The following RNPEP variants were observed in gnomAD, a reference collection of about 807,000 sequenced individuals.
RNPEP encodes the protein aminopeptidase B.
RNPEP carries 57 observed loss-of-function variants against 70.1 expected under a neutral mutation model. The observed-to-expected ratio is 0.81, with a 90% CI of 0.66 to 1.01. RNPEP has a LOEUF of 1.01. Among genes scored for constraint, RNPEP ranks in the 50% least tolerant of loss-of-function variants. RNPEP has a pLI of 0.00. For missense variants in RNPEP, 787 were observed against 852.4 expected (o/e 0.92, Z 0.96); for synonymous variants, 335 against 357.4 (o/e 0.94, Z 0.71).
intron 1 of RNPEP, 118 bp downstream of exon 1, chr1:201,983,231 C>T: frequency 7.0e-7 from 1 of 1,430,632 alleles, no homozygotes; most frequent in Non-Finnish European, 9.1e-7. Flanking sequence ...TCCAGAGCGT[C>T]CCTAGAGGGG....
chr1:201,984,843 T>TGAGAAGGGGTCAAAAAGCTCCCTACC (rs1683077162), intron 1 of RNPEP, among the ~76,000 whole-genome samples: 1 of 140,560 alleles, frequency 7.1e-6, no homozygotes, highest in Non-Finnish European at 1.5e-5. Flanking sequence ...TTTTTTTTTT[T>TGAGAAGGGGTCAAAAAGCTCCCTACC]TTTTTTTTTT....
At chr1:201,983,453 G>T in intron 1 of RNPEP, 1 of 1,409,538 alleles carries the variant, frequency 7.1e-7, no homozygotes. Flanking sequence ...CATTTTCCGT[G>T]GCTTTCTAGA....
chr1:201,995,504 G>A (rs1057145310), intron 3 of RNPEP, among the ~76,000 whole-genome samples: 20 of 120,126 alleles, frequency 1.7e-4, no homozygotes, highest in African/African-American at 5.0e-4. Context: ...GCAACATAGC[G>A]AAACCCTACC....
chr1:201,986,375 G>A (rs916906186), intron 1 of RNPEP, among the ~76,000 whole-genome samples: 1 of 152,054 alleles, frequency 6.6e-6, no homozygotes, highest in African/African-American at 2.4e-5. Flanking sequence ...CATTACAGGT[G>A]TGAGCCACTG....
intron 3 of RNPEP, among the ~76,000 whole-genome samples, chr1:201,994,287 A>G (rs1312614665): frequency 2.0e-5 from 3 of 152,192 alleles, no homozygotes; most frequent in Non-Finnish European, 4.4e-5. Context: ...TTCTGCAGCC[A>G]GGATGATATC....
chr1:201,995,220 A>G (rs1007454378), intron 3 of RNPEP, among the ~76,000 whole-genome samples: 15 of 152,220 alleles, frequency 9.9e-5, no homozygotes, highest in African/African-American at 3.6e-4. Flanking sequence ...GAACACCTAT[A>G]GAACCATCTA....
chr1:202,000,260 A>T (rs1683743451), intron 6 of RNPEP: 2 of 395,464 alleles, frequency 5.1e-6, no homozygotes, highest in Non-Finnish European at 9.2e-6. Flanking sequence ...TTGCATTTGC[A>T]CAAGTCCATA....
chr1:201,989,365 A>T lies in RNPEP; in HGVS notation c.589-18A>T, dbSNP rs183182338. ...AACTCTCTCCAGGTAAAATCTCCTAAGCTTTCTCTGTTGTCAGGTCCCAGA... is the reference window on the plus strand; with the variant it reads ...AACTCTCTCCAGGTAAAATCTCCTATGCTTTCTCTGTTGTCAGGTCCCAGA... On this transcript the variant is annotated intron_variant, in intron 2 of 10. Coordinates refer to ENST00000295640, the MANE Select transcript of RNPEP (RefSeq NM_020216.4). 1 of 1,612,128 alleles carries T rather than the reference A, an allele frequency of 6.2e-7. No homozygotes were observed. The highest frequency in any genetic ancestry group is 2.2e-5 in the East Asian group (1 of 44,860).
At chr1:201,984,884 T>G (rs1348255444) in intron 1 of RNPEP, among the ~76,000 whole-genome samples, 1 of 143,008 alleles carries the variant, frequency 7.0e-6, no homozygotes, top group Non-Finnish European at 1.5e-5. Context: ...GCTCCCTACA[T>G]TGTTCTTTTT....
At chr1:201,984,877 C>T (rs1683081895) in intron 1 of RNPEP, among the ~76,000 whole-genome samples, 1 of 127,408 alleles carries the variant, frequency 7.8e-6, no homozygotes, top group Admixed American at 9.2e-5. Context: ...TCAAAAAGCT[C>T]CCTACATTGT....
intron 1 of RNPEP, 103 bp from the exon 2 acceptor site, chr1:201,988,801 T>G: frequency 1.4e-6 from 2 of 1,413,902 alleles, no homozygotes; most frequent in Non-Finnish European, 1.9e-6. Context: ...GGAAAGGTTT[T>G]AAGGATTACC....
chr1:201,987,748 C>G (rs1476370607), intron 1 of RNPEP, among the ~76,000 whole-genome samples: 3 of 152,006 alleles, frequency 2.0e-5, no homozygotes, highest in East Asian at 3.9e-4. Context: ...CAGATTTGCC[C>G]TTTGTTTAAG....
chr1:202,003,810 T>G (rs1218682878), intron 9 of RNPEP, among the ~76,000 whole-genome samples: 2 of 152,300 alleles, frequency 1.3e-5, no homozygotes, highest in South Asian at 2.1e-4. Context: ...TTCCCACAAC[T>G]CCTCTGGGAA....
At chr1:201,984,597 G>A (rs751113755) in intron 1 of RNPEP, among the ~76,000 whole-genome samples, 4 of 144,466 alleles carry the variant, frequency 2.8e-5, no homozygotes, top group Non-Finnish European at 6.1e-5. Context: ...CTGAGCAACA[G>A]AGTGCGACCC....
intron 5 of RNPEP, among the ~76,000 whole-genome samples, chr1:201,999,076 G>A (rs1055482389): frequency 2.0e-5 from 3 of 152,074 alleles, no homozygotes; most frequent in Admixed American, 1.3e-4. Flanking sequence ...AATTAGCCAG[G>A]CATCATGGTG....
intron 1 of RNPEP, chr1:201,983,701 G>A: frequency 2.6e-6 from 3 of 1,169,214 alleles, no homozygotes; most frequent in Non-Finnish European, 3.2e-6. Context: ...AGTGAGAACT[G>A]GAATTAGGGT....
At chr1:202,004,001 TAGG>T (rs1683946355) in intron 9 of RNPEP, among the ~76,000 whole-genome samples, 1 of 152,074 alleles carries the variant, frequency 6.6e-6, no homozygotes, top group Non-Finnish European at 1.5e-5. Flanking sequence ...AGATGAGTGG[TAGG>T]AGAAAAAATG....
chr1:201,989,212 C>T (rs1253857740), intron 2 of RNPEP, among the ~76,000 whole-genome samples, 168 bp downstream of exon 2: 1 of 152,216 alleles, frequency 6.6e-6, no homozygotes, highest in Admixed American at 6.5e-5. Context: ...TGTAGCCTTC[C>T]TCTAAATCCC....
At chr1:202,005,470 GC>G in intron 10 of RNPEP, 87 bp from the exon 11 acceptor site, 3 of 1,468,474 alleles carry the variant, frequency 2.0e-6, no homozygotes, top group Non-Finnish European at 2.8e-6. Flanking sequence ...CCTAGCCATG[GC>G]TGCTGTTAGA....
Sources: allele counts gnomAD v4.1 joint callset (sites outside exome capture counted in the v4.1 genomes callset), GRCh38; gene constraint gnomAD v4.1.1; transcripts MANE v1.5; gene names NCBI Gene and HGNC (gene_info 2026-07-23, HGNC 2026-07-21).